The following BCLAF3 variants were observed in gnomAD, a reference collection of about 807,000 sequenced individuals.
BCLAF3 encodes BCLAF1 and THRAP3 family member 3, also known as transient octamer binding factor 1.
A neutral mutation model predicts 51.2 loss-of-function variants in BCLAF3; 24 were observed. That is an observed-to-expected ratio of 0.47 (90% confidence interval 0.34 to 0.66). The LOEUF (loss-of-function observed/expected upper bound fraction) is 0.66, where lower values mean the gene tolerates loss of function less well. Among genes scored for constraint, BCLAF3 ranks in the 30% least tolerant of loss-of-function variants. The probability of loss-of-function intolerance (pLI) is 0.01; values close to 1 mark genes in which losing one functional copy is unlikely to be tolerated. For missense variants in BCLAF3, 465 were observed against 525.1 expected, an observed-to-expected ratio of 0.89 and a Z score of 1.12; for synonymous variants, 152 against 176.6, an observed-to-expected ratio of 0.86 and a Z score of 1.10.
intron 11 of BCLAF3, chrX:19,923,248 G>A (rs983975209): frequency 8.7e-6 from 1 of 115,580 alleles, no homozygotes; most frequent in African/African-American, 3.2e-5. Flanking sequence ...TATCCACAGA[G>A]TGGAATAATA....
chrX:19,932,173 T>C (rs1474995164), intron 10 of BCLAF3, among the ~76,000 whole-genome samples: 1 of 112,520 alleles, frequency 8.9e-6, no homozygotes, highest in Non-Finnish European at 1.9e-5. Flanking sequence ...AAATTTGTTC[T>C]CATCTTCTCA....
At chrX:19,989,977 T>G (rs901682283) in intron 1 of BCLAF3, among the ~76,000 whole-genome samples, 1 of 111,013 alleles carries the variant, frequency 9.0e-6, no homozygotes, top group Non-Finnish European at 1.9e-5. Flanking sequence ...AAAATACCAA[T>G]GAAAAATAAA....
chrX:19,955,691 A>G (rs2071636339), intron 4 of BCLAF3, 125 bp from the exon 5 acceptor site: 2 of 492,089 alleles, frequency 4.1e-6, no homozygotes, highest in Non-Finnish European at 3.2e-6. Context: ...AAGGCACTAA[A>G]TTCCATGCCA....
chrX:19,933,007 G>C (rs1313502817), intron 10 of BCLAF3, among the ~76,000 whole-genome samples: 1 of 112,061 alleles, frequency 8.9e-6, no homozygotes, highest in East Asian at 2.8e-4. Context: ...TTTCCTCTTT[G>C]ATAATAAAGT....
At chrX:19,956,490 T>C (rs926746167) in intron 4 of BCLAF3, among the ~76,000 whole-genome samples, 1 of 111,987 alleles carries the variant, frequency 8.9e-6, no homozygotes, top group Non-Finnish European at 1.9e-5. Context: ...CAAATGAACA[T>C]GTCTTCCAAG....
intron 1 of BCLAF3, among the ~76,000 whole-genome samples, chrX:19,990,604 C>T (rs2072908606): frequency 8.8e-6 from 1 of 113,310 alleles, no homozygotes; most frequent in Non-Finnish European, 1.9e-5. Context: ...CGCAACCTGC[C>T]CGACGACGGC....
chrX:19,945,065 A>T (rs2071214553), intron 8 of BCLAF3, among the ~76,000 whole-genome samples: 1 of 109,168 alleles, frequency 9.2e-6, no homozygotes, highest in Non-Finnish European at 1.9e-5. Flanking sequence ...AGTTGATCGC[A>T]TCGGCTCCTG....
chrX:19,973,316 T>G (rs2072312770), intron 1 of BCLAF3, among the ~76,000 whole-genome samples: 1 of 112,010 alleles, frequency 8.9e-6, no homozygotes, highest in African/African-American at 3.2e-5. Context: ...CAGTTTAAAC[T>G]TGTTTTAAAA....
At chrX:19,990,216 G>A (rs960277209) in intron 1 of BCLAF3, among the ~76,000 whole-genome samples, 1 of 110,020 alleles carries the variant, frequency 9.1e-6, no homozygotes, top group Non-Finnish European at 1.9e-5. Flanking sequence ...AAATATTTAC[G>A]GGGTAGGTTT....
At chrX:19,973,828 C>T (rs942856810) in intron 1 of BCLAF3, among the ~76,000 whole-genome samples, 1 of 112,315 alleles carries the variant, frequency 8.9e-6, no homozygotes. Context: ...GACCTATGAA[C>T]GTATGAGATG....
intron 9 of BCLAF3, among the ~76,000 whole-genome samples, chrX:19,937,000 T>C (rs2070787355): frequency 8.9e-6 from 1 of 111,939 alleles, no homozygotes; most frequent in African/African-American, 3.2e-5. Context: ...ATCTTAAGTG[T>C]TGTTCCCAAA....
At chrX:19,971,816 C>T (rs942837391) in intron 1 of BCLAF3, among the ~76,000 whole-genome samples, 2 of 111,785 alleles carry the variant, frequency 1.8e-5, no homozygotes, top group African/African-American at 6.5e-5. Flanking sequence ...TTATGCACCT[C>T]GATTTTGCAA....
intron 1 of BCLAF3, among the ~76,000 whole-genome samples, chrX:19,984,566 G>T (rs1418415946): frequency 9.0e-6 from 1 of 111,456 alleles, no homozygotes; most frequent in African/African-American, 3.3e-5. Flanking sequence ...CAATATGTCT[G>T]ATTATAATGC....
intron 4 of BCLAF3, among the ~76,000 whole-genome samples, chrX:19,961,667 T>C (rs1031987627): frequency 8.9e-6 from 1 of 112,656 alleles, no homozygotes; most frequent in Non-Finnish European, 1.9e-5. Context: ...GTTTTATGGA[T>C]CAGTCCACAT....
At chrX:19,983,075 C>G (rs1162330866) in intron 1 of BCLAF3, among the ~76,000 whole-genome samples, 1 of 105,456 alleles carries the variant, frequency 9.5e-6, no homozygotes, top group African/African-American at 3.5e-5. Context: ...GTGCTTCAGC[C>G]TCCCAAGTAG....
intron 1 of BCLAF3, among the ~76,000 whole-genome samples, chrX:19,989,866 G>A (rs1235854473): frequency 2.7e-5 from 3 of 110,656 alleles, no homozygotes; most frequent in East Asian, 2.8e-4. Context: ...CGTTTTAAAG[G>A]TTTCTTGGGG....
In BCLAF3 at chrX:19,953,384, G is replaced by A. The variant is rs975100449; in HGVS notation, c.1566-333C>T. ...TCCAACAAGTGCCAGCAGAAGACAC[G>A]TGGTTTCATCTGGCTGCCCTCAGAA... On this transcript the variant is annotated intron_variant, in intron 6 of 11. Coordinates refer to ENST00000379682, the MANE Select transcript of BCLAF3 (RefSeq NM_001367774.2). 2.7e-5 allele frequency among the ~76,000 whole-genome samples: 3 copies of A among 111,821 alleles called. No homozygotes were observed. The East Asian group carries it at 8.4e-4, about 31-fold the overall frequency.
At chrX:19,962,382 A>T (rs1366602878) in intron 4 of BCLAF3, among the ~76,000 whole-genome samples, 5 of 111,319 alleles carry the variant, frequency 4.5e-5, no homozygotes, top group Non-Finnish European at 7.5e-5. Flanking sequence ...GGGTTTCATC[A>T]TGTTGCCTAG....
In BCLAF3 at chrX:19,935,867, G is replaced by C. The variant is rs139288446; in HGVS notation, c.1892C>G (p.Thr631Ser). 1 of 1,209,948 alleles carries C rather than the reference G, an allele frequency of 8.3e-7. No homozygotes were observed. Among genetic ancestry groups the C allele is most frequent in the Non-Finnish European group, 1.1e-6 (1 of 894,069 alleles). Residue 631 changes from threonine (T) to serine (S), a missense_variant, in exon 10 of 12, where the codon ACT (threonine) becomes AGT (serine). Thr to Ser is a moderately conservative substitution (Grantham distance 58). Transcript: ENST00000379682. ...NYTTQRKDII[T>S]HKPFEVEGNH... ...TCCCTCAACCTCAAATGGTTTGTGAGTAATTATGTCTTTTCTCTGCGTAGT... is the reference window on the plus strand; with the variant it reads ...TCCCTCAACCTCAAATGGTTTGTGACTAATTATGTCTTTTCTCTGCGTAGT...
Sources: allele counts gnomAD v4.1 joint callset (sites outside exome capture counted in the v4.1 genomes callset), GRCh38; gene constraint gnomAD v4.1.1; transcripts MANE v1.5; gene names NCBI Gene and HGNC (gene_info 2026-07-23, HGNC 2026-07-21).